SARNP: variants seen among roughly 807,000 people sequenced by gnomAD.
SARNP encodes the protein SAP domain containing ribonucleoprotein.
A neutral mutation model predicts 38.1 loss-of-function variants in SARNP; 5 were observed. That is an observed-to-expected ratio of 0.13 (90% CI 0.07 to 0.28). The LOEUF is 0.28. SARNP is among the 10% of genes least tolerant of loss of function. SARNP has a pLI of 1.00. For missense variants in SARNP, 180 were observed against 243.9 expected, an observed-to-expected ratio of 0.74 and a Z score of 1.75; for synonymous variants, 84 against 80.6, an observed-to-expected ratio of 1.04 and a Z score of -0.23.
At chr12:55,795,128 T>C (rs528933762) in intron 5 of SARNP, among the ~76,000 whole-genome samples, 1 of 152,048 alleles carries the variant, frequency 6.6e-6, no homozygotes, top group East Asian at 1.9e-4. Flanking sequence ...CCCAGCTAAT[T>C]TTTGTGCTTT....
intron 1 of SARNP, among the ~76,000 whole-genome samples, chr12:55,813,855 A>C (rs754090271): frequency 1.3e-5 from 2 of 152,116 alleles, no homozygotes; most frequent in Non-Finnish European, 2.9e-5. Context: ...GCTTGGATTT[A>C]ATATACAACA....
intron 5 of SARNP, 148 bp downstream of exon 5, chr12:55,795,877 T>C: frequency 1.7e-6 from 1 of 572,672 alleles, no homozygotes; most frequent in Non-Finnish European, 3.1e-6. Context: ...TTCCAAAGAG[T>C]AGCTGGCAGT....
intron 9 of SARNP, among the ~76,000 whole-genome samples, chr12:55,766,892 T>G (rs1681081): frequency 6.4e-4 from 3 of 4,720 alleles, no homozygotes; most frequent in African/African-American, 0.013. Flanking sequence ...AGTCTCTGCC[T>G]CCTAGTCTCT....
chr12:55,803,797 C>A, intron 1 of SARNP, 69 bp from the exon 2 acceptor site: 2 of 1,016,006 alleles, frequency 2.0e-6, no homozygotes, highest in East Asian at 2.4e-5. Context: ...ATGGTAGTTC[C>A]CACAAGGAAA....
rs1365634261 is a variant in SARNP, at chr12:55,803,651, G to A, written c.114C>T (p.Leu38=). The part of the protein sequence containing the change: ...KGIKQDLIHR[L]QAYLEEHAEE... Reference sequence around the variant, plus strand: ...CACCATGTTCTTCAAGATATGCCTGGAGTCTGTGGATAAGATCTTGCTTTA... The same window carrying A: ...CACCATGTTCTTCAAGATATGCCTGAAGTCTGTGGATAAGATCTTGCTTTA... Residue 38 remains leucine, a synonymous_variant, in exon 2 of 11, where the codon CTC becomes CTT. Transcript: ENST00000336133. 10 of 1,612,422 alleles carry A rather than the reference G, an allele frequency of 6.2e-6. No individual in the cohort carries two copies. Among genetic ancestry groups the A allele is most frequent in the Non-Finnish European group, 8.5e-6 (10 of 1,178,694 alleles).
At chr12:55,775,817 G>A (rs1406555155) in intron 9 of SARNP, among the ~76,000 whole-genome samples, 2 of 152,120 alleles carry the variant, frequency 1.3e-5, no homozygotes, top group South Asian at 2.1e-4. Context: ...CTATTTTGGT[G>A]AGTATATAAG....
At position 55,759,284 on chromosome 12, in the gene SARNP, T is replaced by C. The variant is rs114669188; in HGVS notation, c.591+1267A>G. On this transcript the variant is annotated intron_variant, in intron 10 of 10. Transcript: ENST00000336133. ...ATTAAATATTTTAAAACTATCCCTT[T>C]TTATACAGAATCGTTTCACTCTTTA... is the stretch of plus-strand genomic sequence containing the variant. 5.6e-3 allele frequency among the ~76,000 whole-genome samples: 860 copies of C among 152,280 alleles called. 9 individuals carry two copies. Among genetic ancestry groups the C allele is most frequent in the African/African-American group, 0.02 (816 of 41,570 alleles).
intron 9 of SARNP, among the ~76,000 whole-genome samples, chr12:55,766,768 G>A (rs1225210323): frequency 2.0e-5 from 3 of 152,040 alleles, no homozygotes; most frequent in South Asian, 2.1e-4. Flanking sequence ...GACCACAGGC[G>A]CAAGCCAACA....
Position 55,795,893 on chromosome 12 carries a change from G to A in SARNP, c.303+132C>T, listed in dbSNP as rs370508537. On this transcript the variant is annotated intron_variant, in intron 5 of 10. Transcript: ENST00000336133. Reference sequence around the variant, plus strand: ...TCCAAAGAGTAGCTGGCAGTGAAACGTATCAACACCAAAATCTGCCAATAC... The same window carrying A: ...TCCAAAGAGTAGCTGGCAGTGAAACATATCAACACCAAAATCTGCCAATAC... 4.7e-6 allele frequency: 3 copies of A among 632,060 alleles called. No individual in the cohort carries two copies. In the South Asian group the frequency reaches 6.6e-5, roughly 14 times the overall value. The allele number at this position is 632,060 out of a possible 1,614,324, so 39.2% of individuals were successfully genotyped here. A position where few individuals can be genotyped will look rare whatever the true frequency, so the allele number is the denominator to read the frequency against.
chr12:55,799,968 T>C (rs1879931721), intron 4 of SARNP, among the ~76,000 whole-genome samples: 1 of 151,570 alleles, frequency 6.6e-6, no homozygotes, highest in Admixed American at 6.6e-5. Flanking sequence ...GGCAGACGGA[T>C]CATTTGAGGT....
rs1265863161 is a variant in SARNP, at chr12:55,796,158, G to T, written c.252-82C>A. 6 of 985,428 alleles carry T rather than the reference G, an allele frequency of 6.1e-6. No homozygotes were observed. The Admixed American group carries it at 9.2e-5, about 15-fold the overall frequency. The allele number at this position is 985,428 out of a possible 1,614,324, so 61.0% of individuals were successfully genotyped here. A position where few individuals can be genotyped will look rare whatever the true frequency, so the allele number is the denominator to read the frequency against. On this transcript the variant is annotated intron_variant, in intron 4 of 10. Coordinates refer to ENST00000336133, the MANE Select transcript of SARNP (RefSeq NM_033082.4). ...CAGAAATGTGTAAGAATTCACCTGA[G>T]TCACCATTCTCTGCCCTATTATCTC...
At chr12:55,811,256 C>T (rs1278233908) in intron 1 of SARNP, among the ~76,000 whole-genome samples, 2 of 152,002 alleles carry the variant, frequency 1.3e-5, no homozygotes, top group Non-Finnish European at 2.9e-5. Flanking sequence ...CAATAACTTG[C>T]TTAAATATCA....
Position 55,800,846 on chromosome 12 carries a change from C to T in SARNP, c.183+8G>A. 1 of 1,610,292 alleles carries T rather than the reference C, an allele frequency of 6.2e-7. No homozygotes were observed. The highest frequency in any genetic ancestry group is 8.5e-7 in the Non-Finnish European group (1 of 1,176,514). ...TACCAGAGACTAACCTTACTCTATC[C>T]AACTCACCTCTGTTTCATCTCCCAG... On this transcript the variant is annotated splice_region_variant and intron_variant, in intron 3 of 10. Transcript: ENST00000336133.
chr12:55,771,209 C>T (rs1175438385), intron 9 of SARNP, among the ~76,000 whole-genome samples: 2 of 152,046 alleles, frequency 1.3e-5, no homozygotes, highest in African/African-American at 2.4e-5. Flanking sequence ...CCGCCTGCCC[C>T]GGCCTCCCAA....
intron 9 of SARNP, among the ~76,000 whole-genome samples, chr12:55,774,083 C>T (rs1287241325): frequency 2.0e-5 from 3 of 152,098 alleles, no homozygotes; most frequent in Non-Finnish European, 4.4e-5. Flanking sequence ...TAGCTCGCTG[C>T]AGCCTGGACC....
At chr12:55,797,375 G>C (rs768543708) in intron 4 of SARNP, among the ~76,000 whole-genome samples, 14 of 152,130 alleles carry the variant, frequency 9.2e-5, no homozygotes, top group Non-Finnish European at 1.3e-4. Flanking sequence ...GAGAACTTCA[G>C]GCCAAACATG....
At chr12:55,809,454 T>A (rs1031417886) in intron 1 of SARNP, among the ~76,000 whole-genome samples, 9 of 123,696 alleles carry the variant, frequency 7.3e-5, no homozygotes, top group African/African-American at 2.5e-4. Flanking sequence ...AAGAAGAAAA[T>A]AAACAAAAAA....
At chr12:55,807,630 G>A (rs1403751780) in intron 1 of SARNP, among the ~76,000 whole-genome samples, 5 of 145,558 alleles carry the variant, frequency 3.4e-5, no homozygotes, top group African/African-American at 1.0e-4. Flanking sequence ...GTGAAACCCC[G>A]TCTCTACTAA....
chr12:55,815,661 G>A (rs367810186), intron 1 of SARNP, among the ~76,000 whole-genome samples: 31 of 151,780 alleles, frequency 2.0e-4, no homozygotes, highest in Middle Eastern at 3.4e-3. Flanking sequence ...GCGGGGTTTC[G>A]CCATGTTGCC....
Sources: allele counts gnomAD v4.1 joint callset (sites outside exome capture counted in the v4.1 genomes callset), GRCh38; gene constraint gnomAD v4.1.1; transcripts MANE v1.5; gene names NCBI Gene and HGNC (gene_info 2026-07-23, HGNC 2026-07-21).